FHIT: variants seen among roughly 807,000 people sequenced by gnomAD.
FHIT encodes the protein fragile histidine triad diadenosine triphosphatase.
A neutral mutation model predicts 17.9 loss-of-function variants in FHIT; 19 were observed. The observed-to-expected ratio is 1.06, with a 90% CI of 0.74 to 1.56. FHIT has a LOEUF of 1.56. Among genes scored for constraint, FHIT ranks in the 40% most tolerant of loss-of-function variants. The pLI is 0.00. For synonymous variants in FHIT, 81 were observed against 69.7 expected (o/e 1.16, Z -0.81); for missense variants, 248 against 189.2 (o/e 1.31, Z -1.82).
chr3:60,268,261 C>T (rs753749235), intron 5 of FHIT, among the ~76,000 whole-genome samples: 2 of 152,126 alleles, frequency 1.3e-5, no homozygotes, highest in African/African-American at 2.4e-5. Flanking sequence ...AGGCTGAGGA[C>T]GTTAAGTATG....
At chr3:60,118,777 G>C (rs1269619468) in intron 5 of FHIT, among the ~76,000 whole-genome samples, 2 of 79,808 alleles carry the variant, frequency 2.5e-5, no homozygotes, top group South Asian at 5.6e-4. Flanking sequence ...GGGGCGGCGG[G>C]GGGGGGGGGG....
chr3:61,137,412 C>T (rs1343418055), intron 2 of FHIT, among the ~76,000 whole-genome samples: 2 of 152,074 alleles, frequency 1.3e-5, no homozygotes, highest in East Asian at 1.9e-4. Flanking sequence ...TGATTCCCCA[C>T]ACCCTATCCC....
chr3:60,125,062 A>T (rs1705479514), intron 5 of FHIT, among the ~76,000 whole-genome samples: 1 of 152,228 alleles, frequency 6.6e-6, no homozygotes, highest in Non-Finnish European at 1.5e-5. Context: ...TACTGAACTC[A>T]TTCAACCATT....
chr3:60,096,730 C>T (rs750730775), intron 5 of FHIT, among the ~76,000 whole-genome samples: 3 of 152,004 alleles, frequency 2.0e-5, no homozygotes, highest in East Asian at 1.9e-4. Flanking sequence ...CTGAGGCAGA[C>T]GCATGGACAA....
chr3:61,000,939 T>C (rs1025835533), intron 3 of FHIT, among the ~76,000 whole-genome samples: 7 of 151,174 alleles, frequency 4.6e-5, no homozygotes, highest in African/African-American at 1.5e-4. Flanking sequence ...ATCTACAGTA[T>C]ATAAATAATT....
intron 5 of FHIT, among the ~76,000 whole-genome samples, chr3:60,167,098 G>T (rs955829362): frequency 6.6e-6 from 1 of 152,022 alleles, no homozygotes; most frequent in African/African-American, 2.4e-5. Flanking sequence ...TCAGATTTCT[G>T]CTCAAAGACT....
chr3:60,948,491 T>C (rs1553776273), intron 3 of FHIT, among the ~76,000 whole-genome samples: 1 of 152,204 alleles, frequency 6.6e-6, no homozygotes, highest in African/African-American at 2.4e-5. Flanking sequence ...ATCCTGGTGC[T>C]AGACCATTAA....
chr3:60,837,107 C>T (rs186494197), intron 3 of FHIT, among the ~76,000 whole-genome samples: 4 of 152,124 alleles, frequency 2.6e-5, no homozygotes, highest in East Asian at 3.9e-4. Flanking sequence ...AAGCTTATTC[C>T]GCCTGTCTCA....
chr3:60,171,202 A>G (rs1040338), intron 5 of FHIT, among the ~76,000 whole-genome samples: 28,543 of 152,076 alleles, frequency 0.19, 3,423 homozygotes, highest in East Asian at 0.34. Flanking sequence ...TTTTTTAAAT[A>G]CCTTCTTTCC....
intron 4 of FHIT, among the ~76,000 whole-genome samples, chr3:60,556,713 AAC>A (rs1406707959): frequency 6.6e-6 from 1 of 152,224 alleles, no homozygotes; most frequent in Non-Finnish European, 1.5e-5. Flanking sequence ...TTGGAATAGC[AAC>A]ACCCTGAAGG....
rs114153555 is a variant in FHIT, at chr3:60,468,195, C to T, written c.103+68665G>A. ...TCTATGTGTGTCTTTATATTATAGG[C>T]GAAGTGTGTTCTTGCAGGCAACAGA... On this transcript the variant is annotated intron_variant, in intron 5 of 9. Transcript: ENST00000492590. Among the ~76,000 whole-genome samples the T allele has an allele frequency of 1.9e-3, 296 of 151,970 alleles. 1 individual carries two copies. The highest frequency in any genetic ancestry group is 3.1e-3 in the Non-Finnish European group (211 of 67,844).
At chr3:60,044,832 A>T (rs1469853280) in intron 5 of FHIT, among the ~76,000 whole-genome samples, 1 of 152,106 alleles carries the variant, frequency 6.6e-6, no homozygotes, top group East Asian at 1.9e-4. Flanking sequence ...CAGTGCAAGA[A>T]ACCTGGGGAG....
chr3:59,858,942 T>C (rs770163612), intron 8 of FHIT, among the ~76,000 whole-genome samples: 1 of 152,200 alleles, frequency 6.6e-6, no homozygotes, highest in African/African-American at 2.4e-5. Flanking sequence ...TGTGGACTTA[T>C]ATGTACATAT....
intron 8 of FHIT, among the ~76,000 whole-genome samples, chr3:59,753,125 T>G (rs1358756347): frequency 6.7e-6 from 1 of 149,432 alleles, no homozygotes; most frequent in Non-Finnish European, 1.5e-5. Context: ...TACCTCCTAC[T>G]CTCTTTGGTT....
At chr3:60,047,388 T>C (rs1701696858) in intron 5 of FHIT, among the ~76,000 whole-genome samples, 1 of 152,210 alleles carries the variant, frequency 6.6e-6, no homozygotes, top group Non-Finnish European at 1.5e-5. Context: ...TTTACACATA[T>C]GGACACTGAC....
At chr3:59,817,812 T>C (rs964539724) in intron 8 of FHIT, among the ~76,000 whole-genome samples, 6 of 152,176 alleles carry the variant, frequency 3.9e-5, no homozygotes, top group African/African-American at 1.4e-4. Context: ...CATTCTCATA[T>C]TTCTTGTTTT....
chr3:60,429,717 G>T (rs566284291), intron 5 of FHIT, among the ~76,000 whole-genome samples: 2 of 152,138 alleles, frequency 1.3e-5, no homozygotes, highest in South Asian at 4.2e-4. Context: ...AGAATAAAAG[G>T]TTACTAGTTG....
At chr3:60,331,315 T>A (rs747265869) in intron 5 of FHIT, among the ~76,000 whole-genome samples, 1 of 152,168 alleles carries the variant, frequency 6.6e-6, no homozygotes, top group East Asian at 1.9e-4. Context: ...TGGATATAGG[T>A]TCCCCTCTCC....
At chr3:61,043,012 C>A (rs1312478442) in intron 2 of FHIT, among the ~76,000 whole-genome samples, 5 of 152,108 alleles carry the variant, frequency 3.3e-5, no homozygotes, top group African/African-American at 1.2e-4. Context: ...CGAATAGGAA[C>A]AACTCCTGTC....
Sources: allele counts gnomAD v4.1 joint callset (sites outside exome capture counted in the v4.1 genomes callset), GRCh38; gene constraint gnomAD v4.1.1; transcripts MANE v1.5; gene names NCBI Gene and HGNC (gene_info 2026-07-23, HGNC 2026-07-21).